The following PDHX variants were observed in gnomAD, a reference collection of about 807,000 sequenced individuals.
PDHX encodes pyruvate dehydrogenase protein X component, mitochondrial.
A neutral mutation model predicts 55.3 loss-of-function variants in PDHX; 33 were observed. The ratio of observed to expected loss-of-function variants is 0.60; its 90% CI spans 0.45 to 0.80. The LOEUF is 0.80. PDHX is among the 30% of genes least tolerant of loss of function. PDHX has a pLI of 0.00. For missense variants in PDHX, 622 were observed against 619.9 expected (o/e 1.00, Z -0.04); for synonymous variants, 226 against 219.4 (o/e 1.03, Z -0.27).
At chr11:34,946,479 CT>C (rs1854622562) in intron 2 of PDHX, among the ~76,000 whole-genome samples, 1 of 152,170 alleles carries the variant, frequency 6.6e-6, no homozygotes, top group Admixed American at 6.5e-5. Flanking sequence ...TCAGAACTTT[CT>C]TGTGCAATTT....
intron 3 of PDHX, among the ~76,000 whole-genome samples, chr11:34,952,977 A>G (rs1188429487): frequency 6.6e-6 from 1 of 152,036 alleles, no homozygotes; most frequent in Non-Finnish European, 1.5e-5. Context: ...TAAGCTAATA[A>G]GCAACTTCAG....
At chr11:34,978,904 G>A (rs537394819) in intron 8 of PDHX, among the ~76,000 whole-genome samples, 1 of 152,272 alleles carries the variant, frequency 6.6e-6, no homozygotes, top group South Asian at 2.1e-4. Flanking sequence ...TAACTAATGT[G>A]ATCTGACTTA....
intron 1 of PDHX, among the ~76,000 whole-genome samples, chr11:34,929,403 A>G (rs967505): frequency 0.6 from 90,474 of 151,954 alleles, 28,127 homozygotes; most frequent in East Asian, 0.74. Flanking sequence ...GCTAATTTTT[A>G]AATTTTAATA....
intron 3 of PDHX, among the ~76,000 whole-genome samples, chr11:34,953,300 C>G (rs1011525179): frequency 1.1e-4 from 16 of 152,192 alleles, no homozygotes; most frequent in African/African-American, 3.4e-4. Flanking sequence ...CCATCCCCAT[C>G]AAGCTACCAA....
At position 34,980,015 on chromosome 11, in the gene PDHX, C is replaced by CT. The variant is rs1033242545; in HGVS notation, c.1023+1844dup. Among the ~76,000 whole-genome samples, 436 of 144,672 alleles carry CT rather than the reference C, an allele frequency of 3.0e-3. 2 individuals are homozygous for CT. Among genetic ancestry groups the CT allele is most frequent in the African/African-American group, 9.4e-3 (376 of 39,868 alleles). The allele number at this position is 144,672 out of a possible 152,430, so 94.9% of individuals were successfully genotyped here. ...GAGGAGGGGATCTTGGCAGCTTTCC[C>CT]TTTTTTTTTTTCTTTCACCATAATT... On this transcript the variant is annotated intron_variant, in intron 8 of 10. Coordinates refer to ENST00000227868, the MANE Select transcript of PDHX (RefSeq NM_003477.3).
intron 8 of PDHX, among the ~76,000 whole-genome samples, chr11:34,979,616 A>G (rs57376219): frequency 0.017 from 2,641 of 152,290 alleles, 72 homozygotes; most frequent in African/African-American, 0.061. Context: ...AGCAGTATCT[A>G]ATTATTCATA....
chr11:34,950,532 C>T (rs987467663), intron 3 of PDHX, among the ~76,000 whole-genome samples: 4 of 149,478 alleles, frequency 2.7e-5, no homozygotes, highest in Admixed American at 6.7e-5. Flanking sequence ...CCCTTCCCCC[C>T]ACCCCACAAC....
At chr11:34,991,906 CAA>C (rs1169109545) in intron 9 of PDHX, among the ~76,000 whole-genome samples, 4,711 of 37,046 alleles carry the variant, frequency 0.13, 253 homozygotes, top group African/African-American at 0.28. Flanking sequence ...TGAGACTTCT[CAA>C]AAAAAAAAAA....
chr11:34,967,898 GT>G (rs1423795262), intron 6 of PDHX, among the ~76,000 whole-genome samples: 2 of 152,146 alleles, frequency 1.3e-5, no homozygotes, highest in African/African-American at 4.8e-5. Context: ...TGTATATTGA[GT>G]GTATAGTCCA....
At chr11:34,986,990 C>T (rs1405910541) in intron 9 of PDHX, among the ~76,000 whole-genome samples, 1 of 152,180 alleles carries the variant, frequency 6.6e-6, no homozygotes, top group East Asian at 1.9e-4. Context: ...CTTAACTTCT[C>T]CATGAAATTG....
Position 34,990,224 on chromosome 11 carries a change from T to C in PDHX, c.1183-2091T>C, listed in dbSNP as rs566455353. ...TTTACCTTATAAGTACCCAGTAAAT[T>C]TTTTTAATGAATAGCAAGGCATTCG... On this transcript the variant is annotated intron_variant, in intron 9 of 10. Coordinates refer to ENST00000227868, the MANE Select transcript of PDHX (RefSeq NM_003477.3). Among the ~76,000 whole-genome samples the C allele has an allele frequency of 2.6e-5, 4 of 152,176 alleles. No individual in the cohort carries two copies. The East Asian group carries it at 7.7e-4, about 29-fold the overall frequency.
upstream of PDHX, chr11:34,916,057 C>G (rs1256730871): frequency 9.2e-6 from 8 of 866,028 alleles, no homozygotes; most frequent in Non-Finnish European, 1.4e-5. Flanking sequence ...GCCTCGCAGC[C>G]TTGCTTCCGA....
intron 5 of PDHX, among the ~76,000 whole-genome samples, chr11:34,962,044 T>A (rs565360038): frequency 1.3e-5 from 2 of 152,350 alleles, no homozygotes; most frequent in East Asian, 3.9e-4. Flanking sequence ...AGCAACTATT[T>A]TTATAACAAA....
intron 8 of PDHX, among the ~76,000 whole-genome samples, chr11:34,981,459 A>G (rs1448688282): frequency 6.6e-5 from 10 of 152,170 alleles, no homozygotes; most frequent in Non-Finnish European, 1.5e-5. Context: ...CACAATAAAC[A>G]TATGTGTGCA....
At chr11:34,986,307 CAAA>C (rs755119406) in intron 9 of PDHX, among the ~76,000 whole-genome samples, 1 of 65,106 alleles carries the variant, frequency 1.5e-5, no homozygotes. Context: ...CACTGTATCT[CAAA>C]AAAAAAAAAA....
At chr11:34,954,370 C>T (rs559679049) in intron 3 of PDHX, among the ~76,000 whole-genome samples, 5 of 152,132 alleles carry the variant, frequency 3.3e-5, no homozygotes, top group Non-Finnish European at 2.9e-5. Context: ...TCCCTGTGTA[C>T]ACAGATGAGA....
At chr11:34,970,319 A>G in intron 7 of PDHX, 33 bp downstream of exon 7, 2 of 1,537,762 alleles carry the variant, frequency 1.3e-6, no homozygotes, top group Non-Finnish European at 1.8e-6. Flanking sequence ...AATACAAAAC[A>G]CATGCTAACT....
At chr11:34,915,936 C>T, upstream of PDHX, 1 of 521,908 alleles carries the variant, frequency 1.9e-6, no homozygotes, top group Non-Finnish European at 3.4e-6. Context: ...TGATAAATAC[C>T]CGGTGAGGTC....
At chr11:34,922,573 T>A (rs1422199583) in intron 1 of PDHX, among the ~76,000 whole-genome samples, 1 of 152,178 alleles carries the variant, frequency 6.6e-6, no homozygotes, top group African/African-American at 2.4e-5. Context: ...TCACCGTGTG[T>A]ACATCCTAAA....
Sources: allele counts gnomAD v4.1 joint callset (sites outside exome capture counted in the v4.1 genomes callset), GRCh38; gene constraint gnomAD v4.1.1; transcripts MANE v1.5; gene names NCBI Gene and HGNC (gene_info 2026-07-23, HGNC 2026-07-21).